The following PLAAT5 variants were observed in gnomAD, a reference collection of about 807,000 sequenced individuals.
PLAAT5 encodes phospholipase A and acyltransferase 5, also known as Ca(2+)-independent N-acyltransferase.
Under a neutral mutation model 27.8 loss-of-function variants are expected in PLAAT5, and 27 were observed. The observed-to-expected ratio is 0.97, with a 90% CI of 0.72 to 1.34. The LOEUF (loss-of-function observed/expected upper bound fraction) is 1.34. PLAAT5 is among the 40% of genes most tolerant of loss of function. The pLI, the probability that PLAAT5 is intolerant of heterozygous loss-of-function variation, is 0.00. For synonymous variants in PLAAT5, 125 were observed against 136.1 expected, an observed-to-expected ratio of 0.92 and a Z score of 0.57; for missense variants, 368 against 343.8, an observed-to-expected ratio of 1.07 and a Z score of -0.56.
At chr11:63,468,616 A>C (rs532335820) in intron 3 of PLAAT5, 151 bp from the exon 4 acceptor site, 6 of 619,862 alleles carry the variant, frequency 9.7e-6, no homozygotes, top group Non-Finnish European at 1.4e-5. Context: ...CTTCACACTG[A>C]GGACCAAAGA....
chr11:63,480,034 C>T (rs1041606587), intron 3 of PLAAT5, among the ~76,000 whole-genome samples: 48 of 152,222 alleles, frequency 3.2e-4, no homozygotes, highest in Admixed American at 6.5e-5. Flanking sequence ...ACCCACCATC[C>T]ACCATATCTA....
At chr11:63,477,620 T>C (rs535346058) in intron 3 of PLAAT5, among the ~76,000 whole-genome samples, 19 of 152,194 alleles carry the variant, frequency 1.2e-4, no homozygotes, top group African/African-American at 4.3e-4. Context: ...AGATTACAGG[T>C]GCCTGCCACC....
At chr11:63,479,806 G>A (rs546786183) in intron 3 of PLAAT5, among the ~76,000 whole-genome samples, 7 of 152,284 alleles carry the variant, frequency 4.6e-5, no homozygotes, top group South Asian at 2.1e-4. Context: ...AAGAACAGGC[G>A]CCAGAGCTCA....
chr11:63,489,115 T>G (rs938168795), intron 2 of PLAAT5, 139 bp from the exon 3 acceptor site: 6 of 542,324 alleles, frequency 1.1e-5, no homozygotes, highest in African/African-American at 1.9e-5. Context: ...TTTGTTTCTG[T>G]GAACCCATTA....
intron 3 of PLAAT5, among the ~76,000 whole-genome samples, chr11:63,483,996 A>G (rs1008239983): frequency 2.0e-5 from 3 of 150,150 alleles, no homozygotes; most frequent in Admixed American, 2.0e-4. Flanking sequence ...CCACAGAAAT[A>G]CAAAAGATCA....
intron 3 of PLAAT5, among the ~76,000 whole-genome samples, chr11:63,487,338 A>G (rs949040623): frequency 2.0e-5 from 3 of 152,224 alleles, no homozygotes; most frequent in African/African-American, 7.2e-5. Context: ...GACGTTCAAC[A>G]TTATTAGTCA....
intron 1 of PLAAT5, 56 bp from the exon 2 acceptor site, chr11:63,490,389 A>G: frequency 6.2e-7 from 1 of 1,613,132 alleles, no homozygotes; most frequent in Non-Finnish European, 8.5e-7. Context: ...TCGAGCAAGC[A>G]CCTTGACCGC....
chr11:63,483,781 AAAAATATATATATATATATGTAT>A lies in PLAAT5; in HGVS notation c.345+5067_345+5089del, dbSNP rs1383927614. On this transcript the variant is annotated intron_variant, in intron 3 of 5. Transcript: ENST00000540857. ...GAAGTAAATGAAATTGAAGCAAAAA[AAAAATATATATATATATATGTAT>A]ATATATATATATATATATATATATA... 1.6e-3 allele frequency among the ~76,000 whole-genome samples: 157 copies of A among 95,180 alleles called. 7 individuals are homozygous for A. The highest frequency in any genetic ancestry group is 8.1e-3 in the African/African-American group (136 of 16,854). The allele number at this position is 95,180 out of a possible 152,430, so 62.4% of individuals were successfully genotyped here.
At chr11:63,466,794 T>C (rs1012611754) in intron 4 of PLAAT5, among the ~76,000 whole-genome samples, 3 of 152,166 alleles carry the variant, frequency 2.0e-5, no homozygotes, top group African/African-American at 4.8e-5. Context: ...TGGTTCCATG[T>C]CACGCCTCCC....
intron 3 of PLAAT5, among the ~76,000 whole-genome samples, chr11:63,485,411 T>C (rs1312646087): frequency 1.3e-5 from 2 of 152,166 alleles, no homozygotes; most frequent in South Asian, 2.1e-4. Flanking sequence ...CAAAACAGCA[T>C]GGTACTGGTA....
At chr11:63,486,210 GAAA>G (rs2016430068) in intron 3 of PLAAT5, among the ~76,000 whole-genome samples, 1 of 152,116 alleles carries the variant, frequency 6.6e-6, no homozygotes, top group South Asian at 2.1e-4. Context: ...AATCACTATG[GAAA>G]ACACCATGGA....
At position 63,466,381 on chromosome 11, in the gene PLAAT5, C is replaced by T; in HGVS notation, c.455-9G>A. 6.2e-7 allele frequency: 1 copy of T among 1,612,936 alleles called. No individual in the cohort carries two copies. The highest frequency in any genetic ancestry group is 8.5e-7 in the Non-Finnish European group (1 of 1,179,512). ...CACCTCAAACTCCTCACCTGGAGAC[C>T]AAAGACAAACAAAGGTTGGGAAATA... is the stretch of plus-strand genomic sequence containing the variant. On this transcript the variant is annotated splice_polypyrimidine_tract_variant and intron_variant, in intron 4 of 5. Transcript: ENST00000540857.
At chr11:63,464,554 G>A (rs974184267) in intron 5 of PLAAT5, among the ~76,000 whole-genome samples, 5 of 152,070 alleles carry the variant, frequency 3.3e-5, no homozygotes, top group Non-Finnish European at 7.4e-5. Flanking sequence ...TACTCGGGAG[G>A]CTGAAGCAGG....
At chr11:63,478,259 G>C (rs73488084) in intron 3 of PLAAT5, among the ~76,000 whole-genome samples, 1,810 of 152,088 alleles carry the variant, frequency 0.012, 36 homozygotes, top group African/African-American at 0.041. Context: ...CGCAGAGCTG[G>C]AGGTGAAGGG....
chr11:63,473,704 TTG>T (rs1491420655), intron 3 of PLAAT5, among the ~76,000 whole-genome samples: 5 of 144,860 alleles, frequency 3.5e-5, no homozygotes, highest in African/African-American at 1.4e-4. Context: ...TATTTTTTTG[TTG>T]TTTTTTTTTT....
At chr11:63,467,420 G>C (rs1407316627) in intron 4 of PLAAT5, among the ~76,000 whole-genome samples, 5 of 152,138 alleles carry the variant, frequency 3.3e-5, no homozygotes, top group African/African-American at 1.2e-4. Flanking sequence ...GCAGAGAAGA[G>C]AGGCAATGAG....
chr11:63,480,696 G>T (rs1444665219), intron 3 of PLAAT5, among the ~76,000 whole-genome samples: 3 of 152,174 alleles, frequency 2.0e-5, no homozygotes, highest in Non-Finnish European at 4.4e-5. Flanking sequence ...AGTTTAAGGT[G>T]CAGCCAAGGT....
In PLAAT5 at chr11:63,467,713, A is replaced by G. The variant is rs575593950; in HGVS notation, c.454+644T>C. On this transcript the variant is annotated intron_variant, in intron 4 of 5. Coordinates refer to ENST00000540857, the MANE Select transcript of PLAAT5 (RefSeq NM_001146729.2). ...TAACCACTGTGACCAGCAGTTCTAG[A>G]TACCCAATTTTAAGTTGTTTCCCAT... is the stretch of plus-strand genomic sequence containing the variant. Among the ~76,000 whole-genome samples, 15 of 152,226 alleles carry G rather than the reference A, an allele frequency of 9.9e-5. No individual in the cohort carries two copies. The East Asian group carries it at 2.7e-3, about 27-fold the overall frequency.
rs749439182 is a variant in PLAAT5 at position 63,490,225 on chromosome 11, A to G, written c.239+18T>C. ...AGATTTCTTCCACCCAAAGACCCCA[A>G]CCTTACAATCTTCTTACCCTTGCTG... On this transcript the variant is annotated intron_variant, in intron 2 of 5. Transcript: ENST00000540857. 2.2e-5 allele frequency: 36 copies of G among 1,614,002 alleles called. No homozygotes were observed. Among genetic ancestry groups the G allele is most frequent in the Admixed American group, 2.2e-4 (13 of 59,992 alleles).
Sources: allele counts gnomAD v4.1 joint callset (sites outside exome capture counted in the v4.1 genomes callset), GRCh38; gene constraint gnomAD v4.1.1; transcripts MANE v1.5; gene names NCBI Gene and HGNC (gene_info 2026-07-23, HGNC 2026-07-21).